Variants in EFHD2 observed in about 807,000 individuals in gnomAD.
EFHD2 encodes EF-hand domain family member D2, also known as EF-hand domain-containing protein D2.
In EFHD2, 12 loss-of-function variants were observed where a neutral mutation model predicts 20.3. The ratio of observed to expected loss-of-function variants is 0.59; its 90% CI spans 0.38 to 0.96. The LOEUF is 0.96. Among genes scored for constraint, EFHD2 ranks in the 40% least tolerant of loss-of-function variants. EFHD2 has a pLI of 0.00. For missense variants in EFHD2, 250 were observed against 334.3 expected (o/e 0.75, Z 1.97); for synonymous variants, 131 against 143.9 (o/e 0.91, Z 0.64).
At chr1:15,410,888 A>G (rs1707484963) in intron 1 of EFHD2, among the ~76,000 whole-genome samples, 1 of 151,732 alleles carries the variant, frequency 6.6e-6, no homozygotes, top group African/African-American at 2.4e-5. Context: ...GATCCCCCCA[A>G]CTTCCTCTCC....
At chr1:15,427,365 CCCGT>C in intron 3 of EFHD2, 81 bp downstream of exon 3, 2 of 1,519,168 alleles carry the variant, frequency 1.3e-6, no homozygotes, top group Non-Finnish European at 1.8e-6. Context: ...AGGTCCCCTT[CCCGT>C]CCCTGCTGAG....
chr1:15,423,293 C>G (rs1420319932), intron 1 of EFHD2, among the ~76,000 whole-genome samples: 1 of 152,206 alleles, frequency 6.6e-6, no homozygotes, highest in Non-Finnish European at 1.5e-5. Flanking sequence ...CACCCCAACC[C>G]TCATCCATCA....
rs568109634 is a variant in EFHD2, at chr1:15,412,816, CT to C, written c.308+2538del. ...GCAAACTCACTTTTTTTTACATAGG[CT>C]GTTTCTGGTCTAGTTTGATGAGAGG... is the stretch of plus-strand genomic sequence containing the variant. On this transcript the variant is annotated intron_variant, in intron 1 of 3. Coordinates refer to ENST00000375980, the MANE Select transcript of EFHD2 (RefSeq NM_024329.6). 1.3e-4 allele frequency among the ~76,000 whole-genome samples: 20 copies of C among 152,312 alleles called. No homozygotes were observed. In the South Asian group the frequency reaches 4.1e-3, roughly 32 times the overall value.
chr1:15,409,943 C>A lies in EFHD2; in HGVS notation c.-29C>A, dbSNP rs923150453. The A allele has an allele frequency of 1.6e-6, 2 of 1,221,906 alleles. No individual in the cohort carries two copies. The highest frequency in any genetic ancestry group is 3.5e-5 in the East Asian group (1 of 28,776). The allele number at this position is 1,221,906 out of a possible 1,614,324, so 75.7% of individuals were successfully genotyped here. A position where few individuals can be genotyped will look rare whatever the true frequency, so the allele number is the denominator to read the frequency against. ...CGGCGCTGCGCTGAGAGCAGGGGCC[C>A]GGCCAAGGCGAGTGCCGCGCGGGCC... On this transcript the variant is annotated 5_prime_UTR_variant, in exon 1 of 4. Transcript: ENST00000375980.
chr1:15,428,553 A>T (rs1221387711), intron 3 of EFHD2, 40 bp from the exon 4 acceptor site: 2 of 1,595,162 alleles, frequency 1.3e-6, no homozygotes, highest in Non-Finnish European at 1.7e-6. Context: ...CCCAACATAC[A>T]CCATCCAGCC....
chr1:15,410,334 C>G (rs1169912589), intron 1 of EFHD2, 55 bp downstream of exon 1: 1 of 1,495,410 alleles, frequency 6.7e-7, no homozygotes, highest in African/African-American at 1.4e-5. Flanking sequence ...GTCTCGGGCC[C>G]CGAACCCCCC....
intron 1 of EFHD2, among the ~76,000 whole-genome samples, chr1:15,417,560 CG>C (rs1170006054): frequency 4.0e-5 from 6 of 151,724 alleles, no homozygotes; most frequent in Admixed American, 1.3e-4. Flanking sequence ...TCTATCTCTC[CG>C]TCTCTCTCTC....
intron 1 of EFHD2, among the ~76,000 whole-genome samples, chr1:15,425,665 T>TGAG (rs1707861894): frequency 6.6e-6 from 1 of 152,110 alleles, no homozygotes; most frequent in Admixed American, 6.6e-5. Context: ...TGCCAGGCCC[T>TGAG]GTGGTGAGTT....
At chr1:15,428,101 A>G (rs958685047) in intron 3 of EFHD2, 2 of 423,964 alleles carry the variant, frequency 4.7e-6, no homozygotes, top group African/African-American at 4.1e-5. Flanking sequence ...AGGAAGGTGA[A>G]TGAAGTGCCT....
chr1:15,424,915 C>T (rs773482212), intron 1 of EFHD2, among the ~76,000 whole-genome samples: 2 of 152,178 alleles, frequency 1.3e-5, no homozygotes, highest in Non-Finnish European at 2.9e-5. Context: ...CAGTGCTTCT[C>T]AGCGGAGAAT....
At chr1:15,427,817 C>A (rs1707899395) in intron 3 of EFHD2, 2 of 442,636 alleles carry the variant, frequency 4.5e-6, no homozygotes, top group Non-Finnish European at 4.7e-6. Flanking sequence ...TCTTTCCTTG[C>A]TAAGAACATT....
intron 1 of EFHD2, among the ~76,000 whole-genome samples, chr1:15,424,517 G>A (rs1707841439): frequency 6.6e-6 from 1 of 152,164 alleles, no homozygotes; most frequent in African/African-American, 2.4e-5. Flanking sequence ...GCAGGGCAGA[G>A]GGGAGGCATC....
rs561142466 is a variant in EFHD2 at position 15,413,122 on chromosome 1, G to A, written c.308+2843G>A. 6.3e-4 allele frequency among the ~76,000 whole-genome samples: 96 copies of A among 152,344 alleles called. No homozygotes were observed. Among genetic ancestry groups the A allele is most frequent in the Non-Finnish European group, 1.1e-3 (75 of 68,028 alleles). On this transcript the variant is annotated intron_variant, in intron 1 of 3. Transcript: ENST00000375980. The surrounding 1 kb of genome is among the most constrained non-coding windows in gnomAD (Gnocchi z 4.4). The stretch of plus-strand genomic sequence containing the variant: ...CCCCCGTTCTGCTTCCGCTGTCCGA[G>A]TGGGGCTGCAGCCTCCTGGGTCCAA...
chr1:15,411,269 A>G (rs867357513), intron 1 of EFHD2, among the ~76,000 whole-genome samples: 1 of 148,368 alleles, frequency 6.7e-6, no homozygotes, highest in Non-Finnish European at 1.5e-5. Context: ...GCCCCTTCCT[A>G]TGTGACTTGC....
intron 1 of EFHD2, among the ~76,000 whole-genome samples, chr1:15,411,339 G>A (rs551297930): frequency 6.6e-6 from 1 of 152,080 alleles, no homozygotes; most frequent in South Asian, 2.1e-4. Context: ...CCCTCACCAG[G>A]GTGGATGGGC....
At chr1:15,423,164 C>G (rs1321335916) in intron 1 of EFHD2, among the ~76,000 whole-genome samples, 1 of 152,224 alleles carries the variant, frequency 6.6e-6, no homozygotes, top group African/African-American at 2.4e-5. Flanking sequence ...CAGAACCCCT[C>G]CAGCTCCAGG....
intron 1 of EFHD2, among the ~76,000 whole-genome samples, chr1:15,419,236 G>A (rs564962501): frequency 9.2e-5 from 14 of 152,202 alleles, no homozygotes; most frequent in Non-Finnish European, 2.1e-4. Flanking sequence ...GCTTTCGAGA[G>A]GGGGATGGAT....
intron 1 of EFHD2, among the ~76,000 whole-genome samples, chr1:15,425,043 A>G (rs1707850943): frequency 6.6e-6 from 1 of 152,140 alleles, no homozygotes; most frequent in Non-Finnish European, 1.5e-5. Context: ...TACGGCAAGG[A>G]TTTGTTCTGT....
intron 1 of EFHD2, among the ~76,000 whole-genome samples, chr1:15,418,430 C>A (rs1320280837): frequency 1.3e-5 from 2 of 151,066 alleles, no homozygotes; most frequent in Non-Finnish European, 1.5e-5. Context: ...CTCAGCCTCC[C>A]GAGTAGCTGG....
Sources: gnomAD v4.1 joint callset for allele counts (sites outside exome capture counted in the v4.1 genomes callset) on GRCh38, gnomAD v4.1.1 for gene constraint, Gnocchi (gnomAD v3.1) non-coding constraint, MANE v1.5 for transcripts, NCBI Gene and HGNC (gene_info 2026-07-23, HGNC 2026-07-21) for gene names.